ENOX1: variants seen among roughly 807,000 people sequenced by gnomAD.
ENOX1 encodes ecto-NOX disulfide-thiol exchanger 1.
A neutral mutation model predicts 82.5 loss-of-function variants in ENOX1; 42 were observed. That is an observed-to-expected ratio of 0.51 (90% CI 0.40 to 0.66). The LOEUF (loss-of-function observed/expected upper bound fraction) is 0.66, where lower values mean the gene tolerates loss of function less well. Ranked by LOEUF, ENOX1 falls within the 30% of genes least tolerant of loss-of-function variation. The pLI is 0.00. For synonymous variants in ENOX1, 271 were observed against 282.2 expected (o/e 0.96, Z 0.40); for missense variants, 608 against 811.6 (o/e 0.75, Z 3.05).
chr13:43,760,625 A>G (rs1314060712), intron 1 of ENOX1, among the ~76,000 whole-genome samples: 2 of 152,074 alleles, frequency 1.3e-5, no homozygotes, highest in Non-Finnish European at 2.9e-5. Flanking sequence ...CCTCCCTTCT[A>G]TCCTGCTCTC....
chr13:43,763,889 C>T (rs1951125312), intron 1 of ENOX1, among the ~76,000 whole-genome samples: 1 of 152,094 alleles, frequency 6.6e-6, no homozygotes, highest in Non-Finnish European at 1.5e-5. Context: ...TGAACACTAT[C>T]TAGAAAAAGA....
intron 12 of ENOX1, among the ~76,000 whole-genome samples, chr13:43,277,709 A>T (rs899266568): frequency 2.0e-5 from 3 of 152,192 alleles, no homozygotes; most frequent in Non-Finnish European, 2.9e-5. Context: ...GAGGGCATGG[A>T]GGAACTCCAG....
intron 1 of ENOX1, among the ~76,000 whole-genome samples, chr13:43,767,128 C>T (rs984673718): frequency 6.6e-6 from 1 of 152,098 alleles, no homozygotes; most frequent in African/African-American, 2.4e-5. Context: ...GGAATGAGAA[C>T]CTTGGAGATT....
intron 6 of ENOX1, 96 bp downstream of exon 6, chr13:43,361,183 G>A: frequency 7.9e-6 from 10 of 1,271,218 alleles, no homozygotes; most frequent in South Asian, 5.4e-5. Flanking sequence ...GTGCATTTAC[G>A]TGTGAGTCAC....
chr13:43,784,293 GAAA>G (rs1206479520), intron 1 of ENOX1, among the ~76,000 whole-genome samples: 1 of 152,102 alleles, frequency 6.6e-6, no homozygotes, highest in Non-Finnish European at 1.5e-5. Context: ...CCCACAACTT[GAAA>G]CTAAATCCCT....
intron 3 of ENOX1, among the ~76,000 whole-genome samples, chr13:43,442,881 C>T (rs919991944): frequency 3.3e-5 from 5 of 151,872 alleles, no homozygotes; most frequent in African/African-American, 9.7e-5. Context: ...TTTATGACAG[C>T]GAGAGGAGTT....
intron 2 of ENOX1, among the ~76,000 whole-genome samples, chr13:43,577,493 A>G (rs1244112257): frequency 6.6e-6 from 1 of 152,196 alleles, no homozygotes; most frequent in Non-Finnish European, 1.5e-5. Flanking sequence ...CACTTCCAAG[A>G]TGGCACCTTA....
At chr13:43,526,891 C>T (rs183206564) in intron 2 of ENOX1, among the ~76,000 whole-genome samples, 8 of 152,124 alleles carry the variant, frequency 5.3e-5, no homozygotes, top group African/African-American at 1.4e-4. Flanking sequence ...AATGGGATTA[C>T]GGCCCATATG....
chr13:43,308,877 T>G (rs2153516484), intron 11 of ENOX1, among the ~76,000 whole-genome samples: 1 of 152,310 alleles, frequency 6.6e-6, no homozygotes, highest in Middle Eastern at 3.4e-3. Context: ...TGTTTATTTC[T>G]CACAGTCTTA....
At chr13:43,358,955 T>C (rs2050321695) in intron 7 of ENOX1, among the ~76,000 whole-genome samples, 1 of 152,252 alleles carries the variant, frequency 6.6e-6, no homozygotes, top group Non-Finnish European at 1.5e-5. Context: ...GGAAAGTCTC[T>C]GCAGTATTGG....
At chr13:43,492,669 C>G (rs2076662017) in intron 2 of ENOX1, among the ~76,000 whole-genome samples, 1 of 152,146 alleles carries the variant, frequency 6.6e-6, no homozygotes, top group African/African-American at 2.4e-5. Context: ...AGCATTTTCC[C>G]AATAAATACT....
chr13:43,344,367 G>A (rs1483563328), intron 9 of ENOX1, among the ~76,000 whole-genome samples, 171 bp downstream of exon 9: 1 of 152,178 alleles, frequency 6.6e-6, no homozygotes, highest in Non-Finnish European at 1.5e-5. Flanking sequence ...GGCAGGGTCC[G>A]TGTTCCTCCA....
chr13:43,770,062 G>T (rs759794088), intron 1 of ENOX1, among the ~76,000 whole-genome samples: 1 of 152,218 alleles, frequency 6.6e-6, no homozygotes, highest in African/African-American at 2.4e-5. Flanking sequence ...GCTTAGAGCA[G>T]CAATGAATTT....
chr13:43,387,242 G>T (rs1209930716), intron 5 of ENOX1, among the ~76,000 whole-genome samples: 2 of 152,204 alleles, frequency 1.3e-5, no homozygotes, highest in African/African-American at 4.8e-5. Context: ...AGGGATGTAG[G>T]AGAGTTACCT....
chr13:43,563,769 A>G (rs541271040), intron 2 of ENOX1, among the ~76,000 whole-genome samples: 47 of 152,246 alleles, frequency 3.1e-4, no homozygotes, highest in African/African-American at 1.1e-3. Flanking sequence ...ATAAAGACAC[A>G]TACAGTCTAC....
chr13:43,490,649 T>C (rs760422412), intron 2 of ENOX1, among the ~76,000 whole-genome samples: 30 of 152,220 alleles, frequency 2.0e-4, no homozygotes, highest in Non-Finnish European at 3.8e-4. Flanking sequence ...TAATTGCTCT[T>C]CTGCCTTCTG....
intron 3 of ENOX1, among the ~76,000 whole-genome samples, chr13:43,430,061 C>A (rs2153613071): frequency 6.6e-6 from 1 of 152,302 alleles, no homozygotes; most frequent in East Asian, 1.9e-4. Flanking sequence ...AAACAATAGG[C>A]TCTCAACATG....
intron 10 of ENOX1, among the ~76,000 whole-genome samples, chr13:43,325,757 C>T: frequency 6.6e-6 from 1 of 152,146 alleles, no homozygotes; most frequent in Non-Finnish European, 1.5e-5. Flanking sequence ...GCGTACACTA[C>T]TCTGTGGAGT....
intron 1 of ENOX1, among the ~76,000 whole-genome samples, chr13:43,722,427 G>C (rs1185621421): frequency 6.6e-6 from 1 of 152,164 alleles, no homozygotes; most frequent in African/African-American, 2.4e-5. Flanking sequence ...TGTATAATAA[G>C]GCAGGAAAGG....
Sources: gnomAD v4.1 joint callset for allele counts (sites outside exome capture counted in the v4.1 genomes callset) on GRCh38, gnomAD v4.1.1 for gene constraint, MANE v1.5 for transcripts, NCBI Gene and HGNC (gene_info 2026-07-23, HGNC 2026-07-21) for gene names.